The following EHMT2 variants were observed in gnomAD, a reference collection of about 807,000 sequenced individuals.
The protein encoded by EHMT2 is histone-lysine N-methyltransferase EHMT2.
In EHMT2, 59 loss-of-function variants were observed where a neutral mutation model predicts 143.3. The observed-to-expected ratio is 0.41, with a 90% confidence interval of 0.33 to 0.51. EHMT2 has a LOEUF of 0.51. Among genes scored for constraint, EHMT2 ranks in the 20% least tolerant of loss-of-function variants. The pLI, the probability that EHMT2 is intolerant of heterozygous loss-of-function variation, is 0.18. For missense variants in EHMT2, 1,174 were observed against 1,645.9 expected (o/e 0.71, Z 4.96); for synonymous variants, 604 against 651.5 (o/e 0.93, Z 1.11).
exon 4 of EHMT2, chr6:31,896,392 T>C (rs942314197): frequency 6.2e-7 from 1 of 1,613,036 alleles, no homozygotes; most frequent in South Asian, 1.1e-5. Context: ...GCATACTCAG[T>C]AGCCTCATAG....
chr6:31,895,037 C>T (rs1581958445), intron 4 of EHMT2, among the ~76,000 whole-genome samples: 1 of 152,164 alleles, frequency 6.6e-6, no homozygotes, highest in African/African-American at 2.4e-5. Flanking sequence ...CTTCCCTATT[C>T]TTTACAAAAT....
chr6:31,897,272 G>T (rs1418414438), intron 1 of EHMT2: 3 of 721,368 alleles, frequency 4.2e-6, no homozygotes, highest in South Asian at 7.6e-5. Context: ...CCCTCCTCCC[G>T]GCTGCACGCG....
chr6:31,888,080 G>C lies in EHMT2; in HGVS notation c.1706C>G (p.Ser569Cys), dbSNP rs776635209. Residue 569 changes from serine to cysteine, a missense_variant, in exon 13 of 28, where the codon TCC becomes TGC. This residue lies in a region of EHMT2 where 608 missense variants were observed against 903.7 expected (regional missense o/e 0.67). Coordinates refer to ENST00000375537, the Ensembl canonical transcript of EHMT2. The surrounding 1 kb of genome is among the most constrained non-coding windows in gnomAD (Gnocchi z 7.4). The stretch of plus-strand genomic sequence containing the variant: ...GTCTGCTCTCCCGGGGACATCCTGG[G>C]ACAGGGGTGGGGGTGCAGGAGCTGC... The C allele has an allele frequency of 6.2e-7, 1 of 1,605,762 alleles. No individual in the cohort carries two copies. The highest frequency in any genetic ancestry group is 1.7e-5 in the Admixed American group (1 of 58,954).
At chr6:31,896,137 T>C in intron 4 of EHMT2, 126 bp downstream of exon 4, 1 of 1,359,500 alleles carries the variant, frequency 7.4e-7, no homozygotes, top group Non-Finnish European at 1.0e-6. Context: ...AGCCTAATAT[T>C]TGACACACAG....
intron 14 of EHMT2, 38 bp downstream of exon 14, chr6:31,887,741 C>T: frequency 1.2e-6 from 2 of 1,603,758 alleles, no homozygotes; most frequent in Non-Finnish European, 1.7e-6. Flanking sequence ...CCTCTGGCCT[C>T]AGCCCCAGTT....
chr6:31,887,711 G>A, intron 14 of EHMT2, 52 bp from the exon 15 acceptor site: 1 of 1,608,846 alleles, frequency 6.2e-7, no homozygotes, highest in Non-Finnish European at 8.5e-7. Flanking sequence ...TCAGATTCCA[G>A]CATCAGCCTC....
chr6:31,897,697 C>T (rs771142488), upstream of EHMT2: 1 of 1,060,902 alleles, frequency 9.4e-7, no homozygotes, highest in Non-Finnish European at 1.2e-6. Context: ...CGCTGGGGGC[C>T]GAGCCGGCGC....
Position 31,883,730 on chromosome 6 carries a change from G to A in EHMT2, c.2916+76C>T. 6.4e-7 allele frequency: 1 copy of A among 1,565,856 alleles called. No homozygotes were observed. The highest frequency in any genetic ancestry group is 2.3e-5 in the East Asian group (1 of 44,216). On this transcript the variant is annotated intron_variant, in intron 22 of 27. Coordinates refer to ENST00000375537, the Ensembl canonical transcript of EHMT2. The surrounding 1 kb of genome is among the most constrained non-coding windows in gnomAD (Gnocchi z 5.6). Reference sequence around the variant, plus strand: ...AACCCTTCCTTGGCCAGGTGCCTTTGCTGGTTTGAAGCTTGTCCAACTGTA... The same window carrying A: ...AACCCTTCCTTGGCCAGGTGCCTTTACTGGTTTGAAGCTTGTCCAACTGTA...
chr6:31,893,406 G>A (rs1050121924), intron 4 of EHMT2: 6 of 441,834 alleles, frequency 1.4e-5, no homozygotes, highest in African/African-American at 8.1e-5. Flanking sequence ...CTTCAGCCTC[G>A]AACTGGACTC....
At position 31,884,887 on chromosome 6, in the gene EHMT2, C is replaced by CTACCTCAACCA. The variant is rs1182585169; in HGVS notation, c.2448+14_2448+24dup. 2 of 1,591,626 alleles carry CTACCTCAACCA rather than the reference C, an allele frequency of 1.3e-6. No individual in the cohort carries two copies. The highest frequency in any genetic ancestry group is 1.1e-5 in the South Asian group (1 of 89,914). ...CCTTGCTCAGGGGCCTGGGGCTGCC[C>CTACCTCAACCA]TACCTCAACCAAACGCTCACTCACG... On this transcript the variant is annotated intron_variant, in intron 19 of 27. Transcript: ENST00000375537. This position sits in a 1 kb window ranked among gnomAD's most constrained non-coding sequence, Gnocchi z 7.3.
rs771863863 is a variant in EHMT2, at chr6:31,886,909, C to G, written c.2119-12G>C. 5.6e-6 allele frequency: 9 copies of G among 1,613,802 alleles called. No homozygotes were observed. Among genetic ancestry groups the G allele is most frequent in the Admixed American group, 3.3e-5 (2 of 60,006 alleles). On this transcript the variant is annotated splice_polypyrimidine_tract_variant and intron_variant, in intron 16 of 27. Coordinates refer to ENST00000375537, the Ensembl canonical transcript of EHMT2. ...ATGTTGGCTCCAGCCTGTGAGGGGG[C>G]AGGAGGGCTGGCACCAGGGAGGCAT...
chr6:31,889,537 T>C lies in EHMT2; in HGVS notation c.930A>G (p.Glu310=), dbSNP rs752898773. 7.4e-5 allele frequency: 119 copies of C among 1,611,906 alleles called. No individual in the cohort carries two copies. Among genetic ancestry groups the C allele is most frequent in the Non-Finnish European group, 9.8e-5 (116 of 1,179,742 alleles). Reference sequence around the variant, plus strand: ...CCTCTTCCTCCTCCTCTTCCTCTTCTTCTTCTTCCTCCTCTTCCTCCTCCT... The same window carrying C: ...CCTCTTCCTCCTCCTCTTCCTCTTCCTCTTCTTCCTCCTCTTCCTCCTCCT... The change falls in exon 8 of 28, where the codon GAA becomes GAG. Residue 310 remains glutamate, a synonymous_variant. Coordinates refer to ENST00000375537, the Ensembl canonical transcript of EHMT2. The surrounding 1 kb of genome is among the most constrained non-coding windows in gnomAD (Gnocchi z 5.1).
Position 31,890,397 on chromosome 6 carries a change from T to C in EHMT2, c.865-795A>G, listed in dbSNP as rs377536237. On this transcript the variant is annotated intron_variant, in intron 7 of 27. Coordinates refer to ENST00000375537, the Ensembl canonical transcript of EHMT2. The stretch of plus-strand genomic sequence containing the variant: ...TCAGCCTCCTGAGTAGCTGGGATTA[T>C]AGGCACCCGCCACCACACCCAGCTA... Among the ~76,000 whole-genome samples, 8 of 151,956 alleles carry C rather than the reference T, an allele frequency of 5.3e-5. No homozygotes were observed. The East Asian group carries it at 1.6e-3, about 30-fold the overall frequency.
chr6:31,882,132 AAAAG>A (rs1488158478), intron 25 of EHMT2, among the ~76,000 whole-genome samples: 1 of 151,652 alleles, frequency 6.6e-6, no homozygotes, highest in Admixed American at 6.6e-5. Context: ...AAAAAAAAAA[AAAAG>A]AGCCAAAGGA....
intron 13 of EHMT2, 38 bp from the exon 14 acceptor site, chr6:31,887,999 G>GT: frequency 6.4e-7 from 1 of 1,570,598 alleles, no homozygotes; most frequent in Non-Finnish European, 8.6e-7. Flanking sequence ...AGCAATAGGG[G>GT]TGGGGGAGGG....
intron 4 of EHMT2, among the ~76,000 whole-genome samples, chr6:31,894,837 G>A (rs572153204): frequency 6.6e-6 from 1 of 151,672 alleles, no homozygotes; most frequent in African/African-American, 2.4e-5. Context: ...ATTTTAGTTA[G>A]AGACGGGGTT....
At chr6:31,890,873 AAAACAAAC>A (rs35603294) in intron 7 of EHMT2, among the ~76,000 whole-genome samples, 3,266 of 150,210 alleles carry the variant, frequency 0.022, 60 homozygotes, top group Admixed American at 0.038. Flanking sequence ...TCAAAAAACA[AAAACAAAC>A]AAACAAACAA....
At chr6:31,887,637 G>A (rs1455539374) in exon 15 of EHMT2, 1 of 1,613,020 alleles carries the variant, frequency 6.2e-7, no homozygotes, top group Non-Finnish European at 8.5e-7. Flanking sequence ...AACTGCCGAG[G>A]GTGGAAACGG....
intron 4 of EHMT2, 52 bp downstream of exon 4, chr6:31,896,211 G>A: frequency 6.4e-7 from 1 of 1,554,362 alleles, no homozygotes; most frequent in Non-Finnish European, 8.7e-7. Context: ...AACTGTAAAA[G>A]AGCTCACCAA....
Sources: gnomAD v4.1 joint callset for allele counts (sites outside exome capture counted in the v4.1 genomes callset) on GRCh38, gnomAD v4.1.1 for gene constraint, gnomAD v4.1.1 regional missense constraint, Gnocchi (gnomAD v3.1) non-coding constraint, MANE v1.5 for transcripts, NCBI Gene and HGNC (gene_info 2026-07-23, HGNC 2026-07-21) for gene names.